Variants in SASH1 observed in about 807,000 individuals in gnomAD.
SASH1 encodes SAM and SH3 domain-containing protein 1.
SASH1 carries 44 observed loss-of-function variants against 125.2 expected under a neutral mutation model. The ratio of observed to expected loss-of-function variants is 0.35; its 90% confidence interval spans 0.28 to 0.45. The LOEUF is 0.45. Among genes scored for constraint, SASH1 ranks in the 20% least tolerant of loss-of-function variants. The pLI is 1.00. For synonymous variants in SASH1, 639 were observed against 649.1 expected (o/e 0.98, Z 0.24); for missense variants, 1,426 against 1,614.5 (o/e 0.88, Z 2.00).
chr6:148,513,811 G>A, intron 8 of SASH1: 1 of 986,194 alleles, frequency 1.0e-6, no homozygotes, highest in Non-Finnish European at 1.2e-6. Flanking sequence ...TGGGATGGAA[G>A]AGGCTGTTTG....
In SASH1 at chr6:148,548,698, C is replaced by G. The variant is rs571548350; in HGVS notation, c.*140C>G. On this transcript the variant is annotated 3_prime_UTR_variant, in exon 20 of 20. Transcript: ENST00000367467. ...GGCGTGTGGCCAAACAGCGTGAAAC[C>G]TTGGCACAGGACTGAGGATCCTCTC... 1 of 1,000,310 alleles carries G rather than the reference C, an allele frequency of 1.0e-6. No individual in the cohort carries two copies. The highest frequency in any genetic ancestry group is 1.4e-6 in the Non-Finnish European group (1 of 696,896). The allele number at this position is 1,000,310 out of a possible 1,614,324, so 62.0% of individuals were successfully genotyped here. A position where few individuals can be genotyped will look rare whatever the true frequency, so the allele number is the denominator to read the frequency against.
chr6:148,427,835 G>A (rs955349179), intron 2 of SASH1, among the ~76,000 whole-genome samples: 1 of 152,204 alleles, frequency 6.6e-6, no homozygotes, highest in Non-Finnish European at 1.5e-5. Flanking sequence ...AATGGGTACG[G>A]GAGTGTGGAC....
intron 8 of SASH1, among the ~76,000 whole-genome samples, chr6:148,497,955 A>G (rs1779382847): frequency 6.6e-6 from 1 of 152,094 alleles, no homozygotes. Flanking sequence ...CATACCTGTT[A>G]TGTCGGAAGG....
intron 7 of SASH1, chr6:148,478,960 TGGGCATATGAGAAGTA>T (rs1259392538): frequency 1.2e-5 from 2 of 160,884 alleles, no homozygotes; most frequent in Non-Finnish European, 2.8e-5. Context: ...ATGAGAAGTA[TGGGCATATGAGAAGTA>T]TGGACCTGTA....
At chr6:148,528,979 T>A (rs1781352130) in intron 12 of SASH1, among the ~76,000 whole-genome samples, 1 of 152,000 alleles carries the variant, frequency 6.6e-6, no homozygotes. Flanking sequence ...TAGATTCTCA[T>A]AAACAGCGTG....
the SASH1 span, among the ~76,000 whole-genome samples, chr6:148,241,566 G>T: frequency 6.6e-6 from 1 of 152,038 alleles, no homozygotes; most frequent in Non-Finnish European, 1.5e-5. Flanking sequence ...AAAGTCTCAG[G>T]GTACCCATTT....
upstream of SASH1, among the ~76,000 whole-genome samples, chr6:148,339,021 AAAAG>A (rs1781246667): frequency 6.7e-6 from 1 of 150,220 alleles, no homozygotes; most frequent in Non-Finnish European, 1.5e-5. Flanking sequence ...AAAAAAAAAA[AAAAG>A]AGAGAGAGAG....
intron 2 of SASH1, among the ~76,000 whole-genome samples, chr6:148,433,345 T>G (rs1309626261): frequency 6.6e-6 from 1 of 152,050 alleles, no homozygotes. Flanking sequence ...CAAGAAAATA[T>G]TTCAATACTA....
At chr6:148,196,334 A>G in the SASH1 span, among the ~76,000 whole-genome samples, 3 of 152,234 alleles carry the variant, frequency 2.0e-5, no homozygotes, top group Non-Finnish European at 4.4e-5. Flanking sequence ...GGTCCAGGAC[A>G]GTTGGTAGAT....
intron 1 of SASH1, among the ~76,000 whole-genome samples, chr6:148,387,077 C>CTT (rs1783400730): frequency 1.7e-5 from 2 of 118,454 alleles, no homozygotes; most frequent in East Asian, 2.0e-4. Flanking sequence ...CTTTCTCCCT[C>CTT]TGTCTCTCTC....
At chr6:148,403,389 G>A (rs1487638147) in intron 2 of SASH1, among the ~76,000 whole-genome samples, 4 of 152,106 alleles carry the variant, frequency 2.6e-5, no homozygotes, top group Non-Finnish European at 5.9e-5. Context: ...ACAGGCATGA[G>A]CCACTGTGCC....
rs771773054 is a variant in SASH1, at chr6:148,544,049, C to T, written c.2579C>T (p.Pro860Leu). ...EQDVPTEVTE[P>L]PPQIVPEVPQ... The stretch of plus-strand genomic sequence containing the variant: ...GACGTGCCTACCGAGGTGACAGAAC[C>T]GCCCCCTCAGATTGTACCTGAAGTG... The change falls in exon 18 of 20, where the codon CCG (proline) becomes CTG (leucine). Residue 860 changes from proline to leucine, a missense_variant. Physicochemically the swap from Pro to Leu is moderately conservative, Grantham distance 98. Transcript: ENST00000367467. The surrounding 1 kb of genome is among the most constrained non-coding windows in gnomAD (Gnocchi z 6.4). The T allele has an allele frequency of 1.5e-5, 24 of 1,614,076 alleles. No homozygotes were observed. The highest frequency in any genetic ancestry group is 2.7e-5 in the African/African-American group (2 of 75,034).
chr6:148,222,410 G>T, the SASH1 span, among the ~76,000 whole-genome samples: 2 of 152,128 alleles, frequency 1.3e-5, no homozygotes, highest in East Asian at 3.8e-4. Context: ...CTCTCTGCAG[G>T]CTCCTAAGCT....
chr6:148,387,656 CTTT>C (rs1783510657), intron 1 of SASH1, among the ~76,000 whole-genome samples: 2 of 52,648 alleles, frequency 3.8e-5, no homozygotes, highest in African/African-American at 9.5e-5. Context: ...TTCTTTCTTT[CTTT>C]CTTTCTTTCT....
chr6:148,517,199 G>C (rs946286737), intron 9 of SASH1, among the ~76,000 whole-genome samples: 7 of 152,186 alleles, frequency 4.6e-5, no homozygotes, highest in Admixed American at 4.6e-4. Context: ...TGGAAAGATA[G>C]GTAGGCATTA....
At chr6:148,208,433 G>A in the SASH1 span, among the ~76,000 whole-genome samples, 1 of 152,206 alleles carries the variant, frequency 6.6e-6, no homozygotes, top group Non-Finnish European at 1.5e-5. Flanking sequence ...CACGACCTCT[G>A]GATGGTGGAC....
chr6:148,211,749 A>G, the SASH1 span, among the ~76,000 whole-genome samples: 25 of 152,240 alleles, frequency 1.6e-4, no homozygotes, highest in African/African-American at 5.5e-4. Flanking sequence ...TGCTCTTTCC[A>G]CTACACCAGT....
chr6:148,387,546 T>C (rs1165747459), intron 1 of SASH1, among the ~76,000 whole-genome samples: 4 of 149,740 alleles, frequency 2.7e-5, no homozygotes, highest in Non-Finnish European at 4.5e-5. Flanking sequence ...TTCTTTCTTT[T>C]CTTTTCCTTT....
chr6:148,428,696 A>G (rs1032230675), intron 2 of SASH1, among the ~76,000 whole-genome samples: 23 of 151,504 alleles, frequency 1.5e-4, no homozygotes, highest in African/African-American at 5.6e-4. Context: ...GAGAGCACTA[A>G]TGGCTGGGTG....
Sources: allele counts gnomAD v4.1 joint callset (sites outside exome capture counted in the v4.1 genomes callset), GRCh38; gene constraint gnomAD v4.1.1; non-coding constraint Gnocchi (gnomAD v3.1); transcripts MANE v1.5; gene names NCBI Gene and HGNC (gene_info 2026-07-23, HGNC 2026-07-21).